The following JADE2 variants were observed in gnomAD, a reference collection of about 807,000 sequenced individuals.
JADE2 encodes the protein jade family PHD finger 2, also known as E3 ubiquitin-protein ligase Jade-2.
Under a neutral mutation model 85.7 loss-of-function variants are expected in JADE2, and 13 were observed. That is an observed-to-expected ratio of 0.15 (90% CI 0.10 to 0.24). The LOEUF (loss-of-function observed/expected upper bound fraction) is 0.24. JADE2 is among the 10% of genes least tolerant of loss of function. The probability of loss-of-function intolerance (pLI) is 1.00; values close to 1 mark genes in which losing one functional copy is unlikely to be tolerated. For missense variants in JADE2, 846 were observed against 1,115.9 expected, an observed-to-expected ratio of 0.76 and a Z score of 3.45; for synonymous variants, 440 against 456.1, an observed-to-expected ratio of 0.96 and a Z score of 0.45.
rs1763373058 is a variant in JADE2 at position 134,562,301 on chromosome 5, A to G, written c.786A>G (p.Gly262=). 6.2e-7 allele frequency: 1 copy of G among 1,613,946 alleles called. No homozygotes were observed. The highest frequency in any genetic ancestry group is 8.5e-7 in the Non-Finnish European group (1 of 1,180,016). Residue 262 remains glycine (G), a synonymous_variant, in exon 7 of 12, where the codon GGA becomes GGG. Transcript: ENST00000681547. The surrounding 1 kb of genome is among the most constrained non-coding windows in gnomAD (Gnocchi z 4.6). The stretch of plus-strand genomic sequence containing the variant: ...GCCTGCTCTGCCCCAAGCGAGGAGG[A>G]GCCTTGAAGCCCACTAGAAGTGGGA... ...PKCLLCPKRG[G]ALKPTRSGTK... is the part of the protein sequence containing the mutation.
chr5:134,569,234 G>A (rs1278484877), intron 9 of JADE2, among the ~76,000 whole-genome samples: 2 of 152,162 alleles, frequency 1.3e-5, no homozygotes, highest in African/African-American at 2.4e-5. Flanking sequence ...AGGCCAGCCC[G>A]TGCGCTCTGA....
chr5:134,527,766 C>G (rs1055355692), intron 1 of JADE2, among the ~76,000 whole-genome samples: 12 of 152,164 alleles, frequency 7.9e-5, no homozygotes, highest in Non-Finnish European at 1.6e-4. Flanking sequence ...CCCTCAGCCA[C>G]TGCCGCTGGC....
chr5:134,551,673 C>T (rs1023332221), intron 3 of JADE2, among the ~76,000 whole-genome samples: 2 of 152,072 alleles, frequency 1.3e-5, no homozygotes, highest in Non-Finnish European at 2.9e-5. Context: ...CCACCATGCC[C>T]GGCCATCAGT....
chr5:134,526,173 G>T lies in JADE2; in HGVS notation c.-1+162G>T, dbSNP rs377180739. On this transcript the variant is annotated intron_variant, in intron 1 of 11. Coordinates refer to ENST00000681547, the MANE Select transcript of JADE2 (RefSeq NM_001388185.1). Reference sequence around the variant, plus strand: ...CTGTTCTAGGAAGCCAGCGCGGAGAGGGGGGGGATGCACAGCACAGGGGAG... The same window carrying T: ...CTGTTCTAGGAAGCCAGCGCGGAGATGGGGGGGATGCACAGCACAGGGGAG... 879 of 984,342 alleles carry T rather than the reference G, an allele frequency of 8.9e-4. 5 individuals are homozygous for T. The South Asian group carries it at 9.2e-3, about 10-fold the overall frequency. The allele number at this position is 984,342 out of a possible 1,614,324, so 61.0% of individuals were successfully genotyped here. A position where few individuals can be genotyped will look rare whatever the true frequency, so the allele number is the denominator to read the frequency against.
intron 1 of JADE2, among the ~76,000 whole-genome samples, chr5:134,531,298 T>C (rs1761218370): frequency 6.6e-6 from 1 of 152,168 alleles, no homozygotes; most frequent in South Asian, 2.1e-4. Context: ...TAGTGGTCAG[T>C]ATGAAGCTGT....
intron 1 of JADE2, among the ~76,000 whole-genome samples, chr5:134,528,373 C>G (rs1028088490): frequency 6.6e-6 from 1 of 152,138 alleles, no homozygotes; most frequent in Admixed American, 6.5e-5. Flanking sequence ...ACGCACCGTC[C>G]GTCTTGTCCC....
In JADE2 at chr5:134,557,273, TTTTTTTA is replaced by T. The variant is rs1561747106; in HGVS notation, c.312-2550_312-2544del. On this transcript the variant is annotated intron_variant, in intron 4 of 11. Transcript: ENST00000681547. ...TTTCAAGCTTTTATTTTTTTATTTT[TTTTTTTA>T]TTTTTTTTTTTTTCAGACAGAACCC... Among the ~76,000 whole-genome samples, 20 of 93,142 alleles carry T rather than the reference TTTTTTTA, an allele frequency of 2.1e-4. No individual in the cohort carries two copies. In the South Asian group the frequency reaches 5.6e-3, roughly 26 times the overall value. 61.1% of individuals were successfully genotyped at this position (93,142 alleles called of 152,430 possible).
At chr5:134,539,332 G>T (rs1039489878) in intron 3 of JADE2, among the ~76,000 whole-genome samples, 1 of 152,104 alleles carries the variant, frequency 6.6e-6, no homozygotes, top group Non-Finnish European at 1.5e-5. Flanking sequence ...CAAAGTGCTG[G>T]GATTACAGGC....
At chr5:134,536,175 C>T (rs1251043483) in intron 2 of JADE2, among the ~76,000 whole-genome samples, 1 of 152,144 alleles carries the variant, frequency 6.6e-6, no homozygotes, top group African/African-American at 2.4e-5. Context: ...TTGTTTTGCT[C>T]TGGTTGGAAC....
At chr5:134,571,508 C>T (rs960129956) in intron 9 of JADE2, among the ~76,000 whole-genome samples, 3 of 152,140 alleles carry the variant, frequency 2.0e-5, no homozygotes, top group Non-Finnish European at 4.4e-5. Flanking sequence ...ACTAGCCTGG[C>T]CAACATGGTG....
intron 9 of JADE2, among the ~76,000 whole-genome samples, chr5:134,573,409 G>A (rs1223592739): frequency 2.0e-5 from 3 of 152,200 alleles, no homozygotes; most frequent in African/African-American, 4.8e-5. Flanking sequence ...TGGCTCAGCC[G>A]GGGACCACAG....
chr5:134,542,971 G>C (rs1451537804), intron 3 of JADE2, among the ~76,000 whole-genome samples: 1 of 151,378 alleles, frequency 6.6e-6, no homozygotes, highest in East Asian at 2.0e-4. Flanking sequence ...GACCTCAAGT[G>C]ATCTGCCTGC....
At chr5:134,572,553 C>T (rs1045756245) in intron 9 of JADE2, among the ~76,000 whole-genome samples, 18 of 152,236 alleles carry the variant, frequency 1.2e-4, no homozygotes, top group East Asian at 3.8e-4. Flanking sequence ...TGGAACCCAA[C>T]GGGAAACAGC....
intron 3 of JADE2, among the ~76,000 whole-genome samples, chr5:134,540,665 C>A (rs1285961653): frequency 6.6e-6 from 1 of 152,160 alleles, no homozygotes; most frequent in East Asian, 1.9e-4. Flanking sequence ...CATGAAGAAC[C>A]TGTCTTTCGA....
intron 1 of JADE2, chr5:134,526,596 T>A: frequency 1.0e-6 from 1 of 985,232 alleles, no homozygotes; most frequent in Non-Finnish European, 1.2e-6. Context: ...GCCGGTCCGG[T>A]CCCAGACACC....
At chr5:134,534,771 C>T (rs1561725453) in intron 1 of JADE2, among the ~76,000 whole-genome samples, 1 of 152,192 alleles carries the variant, frequency 6.6e-6, no homozygotes, top group Non-Finnish European at 1.5e-5. Context: ...GGGGAGCGTG[C>T]TCTGAACCCT....
chr5:134,578,575 A>G lies in JADE2; in HGVS notation c.1763A>G (p.Asn588Ser), dbSNP rs936518150. ...CAGTCGGTGCAGATCACAGCAGAGAACATGGCCATGAGCGAGTGGCCACTG... is the reference window on the plus strand; with the variant it reads ...CAGTCGGTGCAGATCACAGCAGAGAGCATGGCCATGAGCGAGTGGCCACTG... Reference protein sequence around the residue: ...LAQSVQITAENMAMSEWPLNN... With the variant: ...LAQSVQITAESMAMSEWPLNN... The change falls in exon 12 of 12, where the codon AAC becomes AGC. Residue 588 changes from asparagine (N) to serine (S), a missense_variant. This residue lies in a region of JADE2 where 119 missense variants were observed against 163.9 expected (regional missense o/e 0.73). Transcript: ENST00000681547. This position sits in a 1 kb window ranked among gnomAD's most constrained non-coding sequence, Gnocchi z 4.4. The G allele has an allele frequency of 6.2e-7, 1 of 1,613,942 alleles. No individual in the cohort carries two copies. Among genetic ancestry groups the G allele is most frequent in the Non-Finnish European group, 8.5e-7 (1 of 1,179,976 alleles).
chr5:134,563,533 A>G (rs1229598347), intron 7 of JADE2, among the ~76,000 whole-genome samples: 1 of 152,192 alleles, frequency 6.6e-6, no homozygotes, highest in Non-Finnish European at 1.5e-5. Flanking sequence ...GTTGAAATGC[A>G]CCAGAGTTTC....
chr5:134,542,659 C>G lies in JADE2; in HGVS notation c.153+4576C>G, dbSNP rs180851679. On this transcript the variant is annotated intron_variant, in intron 3 of 11. Coordinates refer to ENST00000681547, the MANE Select transcript of JADE2 (RefSeq NM_001388185.1). ...GTTTCTCCACGTTGGTCAGGGTGGT[C>G]TCGAACTCCCAACCTCAGGTGATCC... Among the ~76,000 whole-genome samples the G allele has an allele frequency of 1.5e-3, 225 of 152,130 alleles. 1 individual carries two copies. The highest frequency in any genetic ancestry group is 5.1e-3 in the African/African-American group (212 of 41,478).
Sources: gnomAD v4.1 joint callset for allele counts (sites outside exome capture counted in the v4.1 genomes callset) on GRCh38, gnomAD v4.1.1 for gene constraint, gnomAD v4.1.1 regional missense constraint, Gnocchi (gnomAD v3.1) non-coding constraint, MANE v1.5 for transcripts, NCBI Gene and HGNC (gene_info 2026-07-23, HGNC 2026-07-21) for gene names.